Variants in TENM3 observed in about 807,000 individuals in gnomAD.
TENM3 encodes the protein teneurin-3.
In TENM3, 63 loss-of-function variants were observed where a neutral mutation model predicts 255.1. That is an observed-to-expected ratio of 0.25 (90% CI 0.20 to 0.30). TENM3 has a LOEUF of 0.30. Ranked by LOEUF, TENM3 falls within the 10% of genes least tolerant of loss-of-function variation. The pLI, the probability that TENM3 is intolerant of heterozygous loss-of-function variation, is 1.00. For missense variants in TENM3, 2,929 were observed against 3,461.1 expected (o/e 0.85, Z 3.86); for synonymous variants, 1,306 against 1,322.3 (o/e 0.99, Z 0.27).
intron 1 of TENM3, among the ~76,000 whole-genome samples, chr4:182,276,526 C>A (rs1760012319): frequency 6.6e-6 from 1 of 152,140 alleles, no homozygotes; most frequent in Non-Finnish European, 1.5e-5. Context: ...TGTTTAAATG[C>A]CAAGAATCAG....
At chr4:182,691,654 C>G (rs944362168) in intron 12 of TENM3, among the ~76,000 whole-genome samples, 2 of 152,122 alleles carry the variant, frequency 1.3e-5, no homozygotes, top group East Asian at 3.9e-4. Context: ...GTTCATCATC[C>G]CAAGTCCTCC....
At chr4:181,605,564 A>AAGAGAG in the TENM3 span, among the ~76,000 whole-genome samples, 1 of 25,026 alleles carries the variant, frequency 4.0e-5, no homozygotes, top group African/African-American at 9.4e-5. Context: ...GAAAGAAAGA[A>AAGAGAG]AGAAAGAGAG....
chr4:182,444,975 T>G (rs1386976500), intron 3 of TENM3, among the ~76,000 whole-genome samples: 1 of 152,032 alleles, frequency 6.6e-6, no homozygotes, highest in Non-Finnish European at 1.5e-5. Flanking sequence ...ACCCGGCTAA[T>G]TTTTTGTATT....
At position 182,386,804 on chromosome 4, in the gene TENM3, A is replaced by C. The variant is rs563425534; in HGVS notation, c.511+39875A>C. The stretch of plus-strand genomic sequence containing the variant: ...GCCTTCCCGCGGGGCAGGCCTCCGG[A>C]CTGAAGCCCGCCATGCCTGAGCCTT... On this transcript the variant is annotated intron_variant, in intron 3 of 27. Coordinates refer to ENST00000511685, the MANE Select transcript of TENM3 (RefSeq NM_001080477.4). Among the ~76,000 whole-genome samples, 13 of 152,274 alleles carry C rather than the reference A, an allele frequency of 8.5e-5. No individual in the cohort carries two copies. In the South Asian group the frequency reaches 2.7e-3, roughly 32 times the overall value.
the TENM3 span, among the ~76,000 whole-genome samples, chr4:181,831,499 C>CAAAAA: frequency 0.21 from 29,542 of 143,646 alleles, 3,539 homozygotes; most frequent in Admixed American, 0.28. Context: ...GCCTATGTGC[C>CAAAAA]AAAAAAAAAA....
intron 3 of TENM3, among the ~76,000 whole-genome samples, chr4:182,458,029 C>T (rs1774009602): frequency 6.6e-6 from 1 of 152,210 alleles, no homozygotes; most frequent in African/African-American, 2.4e-5. Flanking sequence ...TTGGATGTTA[C>T]AAACATTCTC....
chr4:181,889,633 C>T, the TENM3 span, among the ~76,000 whole-genome samples: 1 of 152,016 alleles, frequency 6.6e-6, no homozygotes, highest in African/African-American at 2.4e-5. Flanking sequence ...TAAAATAATC[C>T]TCAAATTAGT....
the TENM3 span, among the ~76,000 whole-genome samples, chr4:181,584,044 T>G: frequency 6.6e-6 from 1 of 152,204 alleles, no homozygotes; most frequent in East Asian, 1.9e-4. Flanking sequence ...CAGTGAGCAC[T>G]CCTGTTTGCC....
chr4:182,208,891 G>A (rs1754763629), intron 1 of TENM3, among the ~76,000 whole-genome samples: 1 of 151,986 alleles, frequency 6.6e-6, no homozygotes, highest in South Asian at 2.1e-4. Context: ...CTATCTTTTG[G>A]AAATCCAGCT....
At chr4:182,544,476 G>T (rs1741230807) in intron 3 of TENM3, among the ~76,000 whole-genome samples, 1 of 151,710 alleles carries the variant, frequency 6.6e-6, no homozygotes, top group African/African-American at 2.4e-5. Context: ...GATTACAGGG[G>T]CCCACCACCA....
At chr4:182,379,744 C>T (rs1312902384) in intron 3 of TENM3, among the ~76,000 whole-genome samples, 2 of 152,206 alleles carry the variant, frequency 1.3e-5, no homozygotes, top group South Asian at 2.1e-4. Context: ...TGAGCCAGGC[C>T]GTCTGGCCCC....
rs1767074367 is a variant in TENM3 at position 182,803,020 on chromosome 4, A to C, written c.*2669A>C. Reference sequence around the variant, plus strand: ...AGGCATTCCAATAAAAGCCAACCCAATGTGTGTGTGTTTTTATATTTTTTC... The same window carrying C: ...AGGCATTCCAATAAAAGCCAACCCACTGTGTGTGTGTTTTTATATTTTTTC... On this transcript the variant is annotated 3_prime_UTR_variant, in exon 28 of 28. Transcript: ENST00000511685. 1 of 152,392 alleles carries C rather than the reference A, an allele frequency of 6.6e-6. No individual in the cohort carries two copies. The highest frequency in any genetic ancestry group is 1.5e-5 in the Non-Finnish European group (1 of 67,996). The allele number at this position is 152,392 out of a possible 1,614,324, so 9.4% of individuals were successfully genotyped here.
chr4:181,653,579 T>G, the TENM3 span, among the ~76,000 whole-genome samples: 1 of 152,076 alleles, frequency 6.6e-6, no homozygotes, highest in Admixed American at 6.5e-5. Flanking sequence ...TTTTGTATTT[T>G]TAGTAGAGAC....
At chr4:182,391,319 T>C (rs1227478204) in intron 3 of TENM3, among the ~76,000 whole-genome samples, 1 of 152,184 alleles carries the variant, frequency 6.6e-6, no homozygotes, top group Non-Finnish European at 1.5e-5. Context: ...CAGAGTTGCA[T>C]CTCTGGTAAA....
intron 6 of TENM3, among the ~76,000 whole-genome samples, chr4:182,661,134 TA>T (rs1442782254): frequency 6.6e-6 from 1 of 152,092 alleles, no homozygotes; most frequent in Non-Finnish European, 1.5e-5. Context: ...TGTATGTGTA[TA>T]TATGCATATG....
intron 25 of TENM3, among the ~76,000 whole-genome samples, chr4:182,790,604 C>T (rs965316151): frequency 6.6e-6 from 1 of 152,156 alleles, no homozygotes; most frequent in African/African-American, 2.4e-5. Flanking sequence ...CCAATCCGTC[C>T]TCTTGCAAAC....
At chr4:182,048,751 G>GC in the TENM3 span, among the ~76,000 whole-genome samples, 5 of 151,728 alleles carry the variant, frequency 3.3e-5, no homozygotes, top group African/African-American at 1.2e-4. Flanking sequence ...TTTTCCAGCA[G>GC]AGCAGCAACC....
At chr4:182,008,219 T>A in the TENM3 span, among the ~76,000 whole-genome samples, 1 of 152,130 alleles carries the variant, frequency 6.6e-6, no homozygotes, top group Non-Finnish European at 1.5e-5. Context: ...GATCTTCTCG[T>A]GGAGTATCTT....
chr4:182,370,813 G>T (rs1375737959), intron 3 of TENM3, among the ~76,000 whole-genome samples: 1 of 152,102 alleles, frequency 6.6e-6, no homozygotes, highest in African/African-American at 2.4e-5. Flanking sequence ...TCTGCTTTCT[G>T]TTGCTAAAGG....
Sources: gnomAD v4.1 joint callset for allele counts (sites outside exome capture counted in the v4.1 genomes callset) on GRCh38, gnomAD v4.1.1 for gene constraint, MANE v1.5 for transcripts, NCBI Gene and HGNC (gene_info 2026-07-23, HGNC 2026-07-21) for gene names.